Variants in C8orf74 observed in about 807,000 individuals in gnomAD.
The protein encoded by C8orf74 is uncharacterized protein C8orf74.
C8orf74 carries 29 observed loss-of-function variants against 22.2 expected under a neutral mutation model. The ratio of observed to expected loss-of-function variants is 1.31; its 90% CI spans 0.97 to 1.78. C8orf74 has a LOEUF of 1.78. Ranked by LOEUF, C8orf74 falls within the 40% of genes most tolerant of loss-of-function variation. C8orf74 has a pLI of 0.00. For missense variants in C8orf74, 515 were observed against 369.9 expected, an observed-to-expected ratio of 1.39 and a Z score of -3.22; for synonymous variants, 255 against 163.1, an observed-to-expected ratio of 1.56 and a Z score of -4.30.
chr8:10,690,880 C>G (rs528555355), intron 2 of C8orf74: 5 of 456,158 alleles, frequency 1.1e-5, no homozygotes, highest in South Asian at 7.7e-5. Context: ...GTGCTGGCCT[C>G]CAGGGGCTTG....
chr8:10,690,685 T>TC (rs1327305935), intron 2 of C8orf74, among the ~76,000 whole-genome samples: 1 of 151,536 alleles, frequency 6.6e-6, no homozygotes, highest in Non-Finnish European at 1.5e-5. Context: ...GTGGCGCATC[T>TC]CCCCCCGGCT....
chr8:10,672,826 C>A, intron 1 of C8orf74, 113 bp downstream of exon 1: 1 of 855,936 alleles, frequency 1.2e-6, no homozygotes, highest in South Asian at 1.5e-5. Context: ...CACCCCGGCT[C>A]AGCACAGCAC....
chr8:10,683,765 G>A (rs188573505), intron 2 of C8orf74, among the ~76,000 whole-genome samples: 8 of 152,330 alleles, frequency 5.3e-5, no homozygotes, highest in East Asian at 1.9e-4. Flanking sequence ...CAGGAATCCC[G>A]TCTTTCCGGT....
intron 1 of C8orf74, chr8:10,673,523 G>C (rs1798960623): frequency 6.6e-6 from 1 of 152,568 alleles, no homozygotes; most frequent in Non-Finnish European, 1.5e-5. Flanking sequence ...TTCATTGTCA[G>C]ATCAATGCCT....
chr8:10,691,704 C>G (rs895341295), intron 2 of C8orf74: 2 of 152,598 alleles, frequency 1.3e-5, no homozygotes, highest in East Asian at 1.9e-4. Flanking sequence ...TGGCCCCAAC[C>G]TCTCACGTCT....
At chr8:10,687,890 C>A (rs1012703282) in intron 2 of C8orf74, among the ~76,000 whole-genome samples, 1 of 152,046 alleles carries the variant, frequency 6.6e-6, no homozygotes, top group African/African-American at 2.4e-5. Flanking sequence ...GCATCCAGAA[C>A]TAGAAAGTAG....
At position 10,672,659 on chromosome 8, in the gene C8orf74, A is replaced by AT; in HGVS notation, c.-7_-6insT. Reference sequence around the variant, plus strand: ...GCTCCGTCTCCTGGCAACCAGATGCAGGGGCCATGGCACTCTTAACACCCC... The same window carrying AT: ...GCTCCGTCTCCTGGCAACCAGATGCATGGGGCCATGGCACTCTTAACACCCC... On this transcript the variant is annotated 5_prime_UTR_variant, in exon 1 of 4. In the 5' UTR this introduces an upstream ATG that the reference lacks. Transcript: ENST00000304519. 1 of 1,563,142 alleles carries AT rather than the reference A, an allele frequency of 6.4e-7. No homozygotes were observed. Among genetic ancestry groups the AT allele is most frequent in the Non-Finnish European group, 8.7e-7 (1 of 1,153,374 alleles).
intron 2 of C8orf74, among the ~76,000 whole-genome samples, chr8:10,697,092 A>G (rs943524489): frequency 9.8e-5 from 15 of 152,334 alleles, no homozygotes; most frequent in African/African-American, 3.4e-4. Flanking sequence ...CTGCAAGTAA[A>G]AAAAGAAACG....
At chr8:10,677,941 C>T (rs1287394245) in intron 2 of C8orf74, among the ~76,000 whole-genome samples, 5 of 152,236 alleles carry the variant, frequency 3.3e-5, no homozygotes, top group African/African-American at 2.4e-5. Context: ...GTCACCCCCA[C>T]GGATACCACC....
At chr8:10,677,101 C>A (rs1799049026) in intron 2 of C8orf74, among the ~76,000 whole-genome samples, 1 of 152,170 alleles carries the variant, frequency 6.6e-6, no homozygotes, top group Non-Finnish European at 1.5e-5. Context: ...TCCCTGACTG[C>A]AGGGAGCCCC....
intron 2 of C8orf74, among the ~76,000 whole-genome samples, chr8:10,679,513 C>A (rs1390965343): frequency 6.6e-6 from 1 of 152,204 alleles, no homozygotes; most frequent in Non-Finnish European, 1.5e-5. Context: ...GGACCATAGG[C>A]TCTGAGTCAC....
intron 1 of C8orf74, among the ~76,000 whole-genome samples, chr8:10,674,282 C>G (rs1240886549): frequency 6.4e-5 from 9 of 140,376 alleles, no homozygotes; most frequent in African/African-American, 2.1e-4. Flanking sequence ...CATATCACAC[C>G]CCGCAGCCCC....
At chr8:10,675,925 T>C (rs1799023431) in intron 2 of C8orf74, 1 of 152,150 alleles carries the variant, frequency 6.6e-6, no homozygotes. Flanking sequence ...TTGCTATGAA[T>C]GAGGTTATTG....
chr8:10,674,860 A>C, intron 2 of C8orf74, 22 bp downstream of exon 2: 1 of 1,566,690 alleles, frequency 6.4e-7, no homozygotes, highest in East Asian at 2.3e-5. Context: ...CCAGGGCAGG[A>C]GTCAGCAGAG....
chr8:10,681,456 G>T (rs905864848), intron 2 of C8orf74, among the ~76,000 whole-genome samples: 2 of 152,178 alleles, frequency 1.3e-5, no homozygotes, highest in Non-Finnish European at 2.9e-5. Context: ...ATCTAATCCT[G>T]GGGAGGCTCA....
chr8:10,681,673 T>C (rs1469246755), intron 2 of C8orf74, among the ~76,000 whole-genome samples: 1 of 152,186 alleles, frequency 6.6e-6, no homozygotes, highest in Non-Finnish European at 1.5e-5. Context: ...TCTGTGCTGC[T>C]CCGCCCTTCA....
At chr8:10,686,046 G>A (rs1186942363) in intron 2 of C8orf74, among the ~76,000 whole-genome samples, 1 of 152,212 alleles carries the variant, frequency 6.6e-6, no homozygotes, top group Non-Finnish European at 1.5e-5. Flanking sequence ...TCTAGCCTGG[G>A]CAACAGATCG....
At chr8:10,687,064 T>G in intron 2 of C8orf74, 2 of 456,236 alleles carry the variant, frequency 4.4e-6, no homozygotes. Flanking sequence ...CCATGCTTCA[T>G]TCTCTGCCAA....
intron 2 of C8orf74, among the ~76,000 whole-genome samples, chr8:10,676,731 T>C (rs1459673752): frequency 6.6e-6 from 1 of 152,106 alleles, no homozygotes; most frequent in Admixed American, 6.5e-5. Flanking sequence ...CCTAGCCCCA[T>C]GGACAGGAGC....
Sources: allele counts gnomAD v4.1 joint callset (sites outside exome capture counted in the v4.1 genomes callset), GRCh38; gene constraint gnomAD v4.1.1; transcripts MANE v1.5; gene names NCBI Gene and HGNC (gene_info 2026-07-23, HGNC 2026-07-21).